Variants in ZC3H7A observed in about 807,000 individuals in gnomAD.
ZC3H7A encodes zinc finger CCCH-type containing 7A, also known as zinc finger CCCH domain-containing protein 7A.
In ZC3H7A, 44 loss-of-function variants were observed where a neutral mutation model predicts 125.5. The ratio of observed to expected loss-of-function variants is 0.35; its 90% CI spans 0.28 to 0.45. ZC3H7A has a LOEUF of 0.45. Among genes scored for constraint, ZC3H7A ranks in the 20% least tolerant of loss-of-function variants. The pLI, the probability that ZC3H7A is intolerant of heterozygous loss-of-function variation, is 1.00. For synonymous variants in ZC3H7A, 399 were observed against 391.2 expected, an observed-to-expected ratio of 1.02 and a Z score of -0.23; for missense variants, 977 against 1,170.7, an observed-to-expected ratio of 0.83 and a Z score of 2.41.
At position 11,788,903 on chromosome 16, in the gene ZC3H7A, C is replaced by T. The variant is rs573860137; in HGVS notation, c.-34-6515G>A. Among the ~76,000 whole-genome samples, 14 of 152,156 alleles carry T rather than the reference C, an allele frequency of 9.2e-5. No individual in the cohort carries two copies. The South Asian group carries it at 1.9e-3, about 20-fold the overall frequency. On this transcript the variant is annotated intron_variant, in intron 1 of 22. Coordinates refer to ENST00000355758, the MANE Select transcript of ZC3H7A (RefSeq NM_014153.4). ...CTGGGATTACAGGCGTGAGCCACCA[C>T]GCTCGGCCTCACAAAGATATTCTAT...
rs1222766201 is a variant in ZC3H7A at position 11,779,733 on chromosome 16, GA to G, written c.109-371del. Among the ~76,000 whole-genome samples the G allele has an allele frequency of 3.3e-5, 5 of 152,310 alleles. No individual in the cohort carries two copies. The East Asian group carries it at 5.8e-4, about 18-fold the overall frequency. On this transcript the variant is annotated intron_variant, in intron 3 of 22. Coordinates refer to ENST00000355758, the MANE Select transcript of ZC3H7A (RefSeq NM_014153.4). The stretch of plus-strand genomic sequence containing the variant: ...AATTGCCTTCCAAAAAGGCCATGAT[GA>G]AAAATGTTTCTAGTGGTTTACTTTA...
At position 11,782,271 on chromosome 16, in the gene ZC3H7A, ACT is replaced by A. The variant is rs746574671; in HGVS notation, c.68+14_68+15del. On this transcript the variant is annotated intron_variant, in intron 2 of 22. Transcript: ENST00000355758. The stretch of plus-strand genomic sequence containing the variant: ...ATTAGGACGCGGCAAGAACACAAGA[ACT>A]CTGAAGCTCTTACTGTATAAACTGC... 1 of 1,613,856 alleles carries A rather than the reference ACT, an allele frequency of 6.2e-7. No homozygotes were observed. Among genetic ancestry groups the A allele is most frequent in the Non-Finnish European group, 8.5e-7 (1 of 1,179,794 alleles).
rs1373910325 is a variant in ZC3H7A at position 11,768,451 on chromosome 16, T to C, written c.1224A>G (p.Ser408=). The part of the protein sequence containing the change: ...LFASENFLGI[S]SQPRNDFGNF... ...TTCCAAAGTCATTTCTAGGCTGACT[T>C]GAAATTCCCAGGAAATTCTCTGAAG... The change falls in exon 12 of 23, where the codon TCA becomes TCG. Residue 408 remains serine (S), a synonymous_variant. Coordinates refer to ENST00000355758, the MANE Select transcript of ZC3H7A (RefSeq NM_014153.4). 2 of 1,538,098 alleles carry C rather than the reference T, an allele frequency of 1.3e-6. No homozygotes were observed. The highest frequency in any genetic ancestry group is 2.3e-5 in the East Asian group (1 of 43,426).
chr16:11,782,510 C>T, intron 1 of ZC3H7A, 122 bp from the exon 2 acceptor site: 1 of 798,130 alleles, frequency 1.3e-6, no homozygotes, highest in Non-Finnish European at 2.0e-6. Flanking sequence ...TCTGACTTGA[C>T]TCCAGGGTCC....
At chr16:11,787,098 C>A (rs2053267832) in intron 1 of ZC3H7A, among the ~76,000 whole-genome samples, 1 of 151,950 alleles carries the variant, frequency 6.6e-6, no homozygotes, top group Non-Finnish European at 1.5e-5. Flanking sequence ...CATTTGAGCC[C>A]AGGAGTATGA....
intron 1 of ZC3H7A, among the ~76,000 whole-genome samples, chr16:11,795,361 G>A (rs936824074): frequency 6.6e-6 from 1 of 152,218 alleles, no homozygotes; most frequent in African/African-American, 2.4e-5. Flanking sequence ...TGCCCCAGCT[G>A]CGCGCTGTCC....
chr16:11,776,670 C>T, intron 5 of ZC3H7A, 81 bp downstream of exon 5: 1 of 1,525,752 alleles, frequency 6.6e-7, no homozygotes, highest in South Asian at 1.3e-5. Context: ...TGATGGATGA[C>T]TGGAAAATTT....
chr16:11,778,020 CAAA>C (rs58410590), intron 4 of ZC3H7A, among the ~76,000 whole-genome samples: 4 of 84,454 alleles, frequency 4.7e-5, no homozygotes, highest in Non-Finnish European at 2.6e-5. Flanking sequence ...ACTCTTGTCT[CAAA>C]AAAAAAAAAA....
At chr16:11,769,669 C>A (rs1455396757) in intron 10 of ZC3H7A, among the ~76,000 whole-genome samples, 1 of 123,800 alleles carries the variant, frequency 8.1e-6, no homozygotes, top group African/African-American at 3.3e-5. Flanking sequence ...CAAGATTTCG[C>A]CACTGCTTTC....
chr16:11,796,905 A>C (rs1468858234), intron 1 of ZC3H7A: 37 of 146,984 alleles, frequency 2.5e-4, no homozygotes, highest in African/African-American at 9.3e-4. Context: ...GGGGAAGGGG[A>C]CGGCGCGCCC....
At chr16:11,772,345 A>C (rs1191898063) in intron 9 of ZC3H7A, among the ~76,000 whole-genome samples, 1 of 151,728 alleles carries the variant, frequency 6.6e-6, no homozygotes, top group Non-Finnish European at 1.5e-5. Context: ...CTGGACAAGA[A>C]CATACAACTC....
Position 11,769,784 on chromosome 16 carries a change from C to CTTTTTTTTTTTTTTTTTTTTTTTTTT in ZC3H7A, c.1109-690_1109-689insAAAAAAAAAAAAAAAAAAAAAAAAAA, listed in dbSNP as rs200241879. On this transcript the variant is annotated intron_variant, in intron 10 of 22. Transcript: ENST00000355758. ...AATCAGTAAAGTTTTCAATTGCTTTCTTTTTTTTTTTTTTTTTTTTTTTGA... is the reference window on the plus strand; with the variant it reads ...AATCAGTAAAGTTTTCAATTGCTTTCTTTTTTTTTTTTTTTTTTTTTTTTTTTTTTTTTTTTTTTTTTTTTTTTTGA... Among the ~76,000 whole-genome samples, 56 of 61,618 alleles carry CTTTTTTTTTTTTTTTTTTTTTTTTTT rather than the reference C, an allele frequency of 9.1e-4. 11 individuals carry two copies. Among genetic ancestry groups the CTTTTTTTTTTTTTTTTTTTTTTTTTT allele is most frequent in the Admixed American group, 1.2e-3 (6 of 5,046 alleles). The allele number at this position is 61,618 out of a possible 152,430, so 40.4% of individuals were successfully genotyped here.
intron 9 of ZC3H7A, among the ~76,000 whole-genome samples, chr16:11,772,355 C>CT (rs1002725926): frequency 1.3e-5 from 2 of 151,860 alleles, no homozygotes; most frequent in African/African-American, 4.9e-5. Flanking sequence ...ACATACAACT[C>CT]TAACTTCCCC....
intron 4 of ZC3H7A, among the ~76,000 whole-genome samples, chr16:11,778,914 A>G (rs769097285): frequency 8.6e-5 from 13 of 152,012 alleles, no homozygotes; most frequent in Non-Finnish European, 1.6e-4. Context: ...GGGTTTCACC[A>G]TATTGGCCAG....
intron 19 of ZC3H7A, chr16:11,758,794 A>C (rs1313322657): frequency 2.6e-6 from 1 of 391,264 alleles, no homozygotes; most frequent in African/African-American, 2.1e-5. Flanking sequence ...TCTTACAAGA[A>C]AATGTCTACA....
chr16:11,779,074 A>C (rs1466349464), intron 4 of ZC3H7A, 92 bp downstream of exon 4: 3 of 1,144,198 alleles, frequency 2.6e-6, no homozygotes, highest in African/African-American at 3.2e-5. Context: ...GACTTTCTTA[A>C]AAACTTAAGA....
At chr16:11,768,988 T>G (rs757650475) in intron 11 of ZC3H7A, 43 bp downstream of exon 11, 2 of 1,553,818 alleles carry the variant, frequency 1.3e-6, no homozygotes, top group East Asian at 2.3e-5. Context: ...GTAACTATTT[T>G]CAATTCAAGC....
chr16:11,795,111 C>T (rs1168633296), intron 1 of ZC3H7A, among the ~76,000 whole-genome samples: 1 of 152,186 alleles, frequency 6.6e-6, no homozygotes, highest in African/African-American at 2.4e-5. Flanking sequence ...TATTTGTAGC[C>T]TCCAGCATAC....
In ZC3H7A at chr16:11,757,160, T is replaced by C. The variant is rs144187988; in HGVS notation, c.2429-790A>G. Among the ~76,000 whole-genome samples, 24 of 152,094 alleles carry C rather than the reference T, an allele frequency of 1.6e-4. No individual in the cohort carries two copies. In the East Asian group the frequency reaches 4.3e-3, roughly 27 times the overall value. On this transcript the variant is annotated intron_variant, in intron 20 of 22. Coordinates refer to ENST00000355758, the MANE Select transcript of ZC3H7A (RefSeq NM_014153.4). ...TGACAATGAAAATATCTCCAGACATTGCCAAATGTCCACAGGGAAGGGGAG... is the reference window on the plus strand; with the variant it reads ...TGACAATGAAAATATCTCCAGACATCGCCAAATGTCCACAGGGAAGGGGAG...
Sources: allele counts gnomAD v4.1 joint callset (sites outside exome capture counted in the v4.1 genomes callset), GRCh38; gene constraint gnomAD v4.1.1; transcripts MANE v1.5; gene names NCBI Gene and HGNC (gene_info 2026-07-23, HGNC 2026-07-21).